Variants in GPATCH8 observed in about 807,000 individuals in gnomAD.
The protein encoded by GPATCH8 is G-patch domain containing 8.
A neutral mutation model predicts 118.3 loss-of-function variants in GPATCH8; 18 were observed. That is an observed-to-expected ratio of 0.15 (90% CI 0.11 to 0.23). GPATCH8 has a LOEUF of 0.23. Among genes scored for constraint, GPATCH8 ranks in the 10% least tolerant of loss-of-function variants. GPATCH8 has a pLI of 1.00. For missense variants in GPATCH8, 1,631 were observed against 1,873.8 expected (o/e 0.87, Z 2.39); for synonymous variants, 659 against 684.7 (o/e 0.96, Z 0.59).
At chr17:44,421,848 C>A (rs780313535) in intron 6 of GPATCH8, among the ~76,000 whole-genome samples, 1 of 151,510 alleles carries the variant, frequency 6.6e-6, no homozygotes, top group Non-Finnish European at 1.5e-5. Context: ...TGCCTCGAAC[C>A]CCCAAGCAGC....
intron 1 of GPATCH8, among the ~76,000 whole-genome samples, chr17:44,481,485 T>C (rs1339143723): frequency 1.3e-5 from 2 of 152,166 alleles, no homozygotes; most frequent in African/African-American, 2.4e-5. Context: ...AAGGCTTCCA[T>C]ATATAGGACA....
rs150756460 is a variant in GPATCH8, at chr17:44,415,093, T to C, written c.493-9042A>G. ...TACACTTCCCTTGGGTATATACTAGTAATATGGTAACTTTGTATTTAATGT... is the reference window on the plus strand; with the variant it reads ...TACACTTCCCTTGGGTATATACTAGCAATATGGTAACTTTGTATTTAATGT... On this transcript the variant is annotated intron_variant, in intron 6 of 7. Coordinates refer to ENST00000591680, the MANE Select transcript of GPATCH8 (RefSeq NM_001002909.4). 2.4e-4 allele frequency among the ~76,000 whole-genome samples: 36 copies of C among 152,332 alleles called. No individual in the cohort carries two copies. The East Asian group carries it at 6.9e-3, about 29-fold the overall frequency.
At chr17:44,452,306 A>T (rs1210503561) in intron 3 of GPATCH8, among the ~76,000 whole-genome samples, 1 of 150,672 alleles carries the variant, frequency 6.6e-6, no homozygotes. Flanking sequence ...AAAAAAAAGG[A>T]AAAAAGATCT....
intron 6 of GPATCH8, among the ~76,000 whole-genome samples, chr17:44,413,805 AG>A (rs531292108): frequency 3.9e-4 from 59 of 152,120 alleles, no homozygotes; most frequent in African/African-American, 1.3e-3. Context: ...TTTTTAGTAG[AG>A]ATGGGGTTTT....
intron 5 of GPATCH8, among the ~76,000 whole-genome samples, chr17:44,433,189 G>A (rs1030588933): frequency 2.0e-5 from 3 of 152,108 alleles, no homozygotes; most frequent in African/African-American, 7.2e-5. Flanking sequence ...TTATGAGGCT[G>A]TGAATTACTG....
intron 3 of GPATCH8, among the ~76,000 whole-genome samples, chr17:44,449,093 T>C (rs1041063109): frequency 6.6e-6 from 1 of 151,952 alleles, no homozygotes; most frequent in East Asian, 1.9e-4. Flanking sequence ...CTGGCCAACA[T>C]GGTGAAACCC....
chr17:44,428,226 C>T (rs2050159661), intron 5 of GPATCH8, among the ~76,000 whole-genome samples: 1 of 152,090 alleles, frequency 6.6e-6, no homozygotes, highest in African/African-American at 2.4e-5. Context: ...GGTGCGGTGG[C>T]TCATTCCTGT....
At chr17:44,460,976 A>G (rs1220959497) in intron 3 of GPATCH8, among the ~76,000 whole-genome samples, 1 of 152,238 alleles carries the variant, frequency 6.6e-6, no homozygotes, top group African/African-American at 2.4e-5. Context: ...GGAAGTAAAC[A>G]GTCAGTTATG....
At chr17:44,479,740 G>A (rs1249089600) in intron 1 of GPATCH8, among the ~76,000 whole-genome samples, 4 of 151,916 alleles carry the variant, frequency 2.6e-5, no homozygotes, top group Admixed American at 1.3e-4. Context: ...AGGTCGAGGC[G>A]GGTAGATCAC....
chr17:44,458,742 T>C (rs774707591), intron 3 of GPATCH8, among the ~76,000 whole-genome samples: 4 of 152,178 alleles, frequency 2.6e-5, no homozygotes, highest in Non-Finnish European at 4.4e-5. Flanking sequence ...CAAGCTGGTC[T>C]TGAACCCTTG....
chr17:44,405,279 G>C (rs1321842886), intron 7 of GPATCH8, among the ~76,000 whole-genome samples: 2 of 151,324 alleles, frequency 1.3e-5, no homozygotes, highest in Non-Finnish European at 2.9e-5. Context: ...CGCAATCTTG[G>C]CTCACCACAA....
Position 44,399,124 on chromosome 17 carries a change from T to A in GPATCH8, c.2953A>T (p.Ser985Cys), listed in dbSNP as rs1196838304. 1.2e-6 allele frequency: 2 copies of A among 1,611,174 alleles called. No individual in the cohort carries two copies. Among genetic ancestry groups the A allele is most frequent in the South Asian group, 2.2e-5 (2 of 90,998 alleles). Reference protein sequence around the residue: ...RSTTAHSWQRSRSYSRDRSRS... With the variant: ...RSTTAHSWQRCRSYSRDRSRS... ...CTGCGGTCCCGGCTATAGCTCCGGC[T>A]CCGTTGCCAGCTGTGGGCTGTGGTG... The change falls in exon 8 of 8, where the codon AGC becomes TGC. Residue 985 changes from serine (S) to cysteine (C), a missense_variant. Physicochemically the swap from Ser to Cys is moderately radical, Grantham distance 112. Transcript: ENST00000591680.
rs1180253601 is a variant in GPATCH8 at position 44,396,054 on chromosome 17, G to A, written c.*1514C>T. ...ATGGAAACTATGAAGCAAAATATCT[G>A]TAAATGTGCTCACCTCCCAACAAAA... On this transcript the variant is annotated 3_prime_UTR_variant, in exon 8 of 8. Transcript: ENST00000591680. 10 of 454,414 alleles carry A rather than the reference G, an allele frequency of 2.2e-5. No individual in the cohort carries two copies. The highest frequency in any genetic ancestry group is 1.4e-4 in the South Asian group (9 of 64,472). 28.1% of individuals were successfully genotyped at this position (454,414 alleles called of 1,614,324 possible).
chr17:44,447,618 C>G, intron 3 of GPATCH8, among the ~76,000 whole-genome samples: 1 of 151,418 alleles, frequency 6.6e-6, no homozygotes, highest in Non-Finnish European at 1.5e-5. Flanking sequence ...ATTATCACCA[C>G]CTTTTTTTTT....
At chr17:44,422,671 T>C (rs2049952699) in intron 6 of GPATCH8, among the ~76,000 whole-genome samples, 1 of 151,658 alleles carries the variant, frequency 6.6e-6, no homozygotes, top group South Asian at 2.1e-4. Context: ...TTTGTATTTT[T>C]AGTAGAGACA....
chr17:44,406,654 C>T (rs1346231949), intron 6 of GPATCH8, among the ~76,000 whole-genome samples: 1 of 152,060 alleles, frequency 6.6e-6, no homozygotes, highest in Non-Finnish European at 1.5e-5. Context: ...TTAGAGCTCA[C>T]CAGTCTGACC....
Position 44,468,856 on chromosome 17 carries a change from T to C in GPATCH8, c.121-4312A>G, listed in dbSNP as rs1139345. Among the ~76,000 whole-genome samples, 847 of 152,274 alleles carry C rather than the reference T, an allele frequency of 5.6e-3. 12 individuals are homozygous for C. The highest frequency in any genetic ancestry group is 0.02 in the African/African-American group (817 of 41,542). ...AAGAACTGCAAAGAAATCCTAACTT[T>C]AATAAATAAGGCAAAGCTTATTTAT... On this transcript the variant is annotated intron_variant, in intron 2 of 7. Coordinates refer to ENST00000591680, the MANE Select transcript of GPATCH8 (RefSeq NM_001002909.4).
chr17:44,398,467 C>G lies in GPATCH8; in HGVS notation c.3610G>C (p.Asp1204His). 1 of 1,611,250 alleles carries G rather than the reference C, an allele frequency of 6.2e-7. No homozygotes were observed. Among genetic ancestry groups the G allele is most frequent in the Non-Finnish European group, 8.5e-7 (1 of 1,178,438 alleles). ...GACTTTGACTCTTCTGGGGGTGGGT[C>G]TAATAAGGGGCCAGTTGTTTCCTCT... ...PSEETTGPLLDPPPEESKSGE... is the reference protein window; with the variant it reads ...PSEETTGPLLHPPPEESKSGE... Residue 1204 changes from aspartate to histidine, a missense_variant, in exon 8 of 8, where the codon GAC becomes CAC. Coordinates refer to ENST00000591680, the MANE Select transcript of GPATCH8 (RefSeq NM_001002909.4).
chr17:44,463,461 A>G (rs1259071479), intron 3 of GPATCH8, among the ~76,000 whole-genome samples: 3 of 152,188 alleles, frequency 2.0e-5, no homozygotes, highest in African/African-American at 7.2e-5. Flanking sequence ...ATCTTGGCTC[A>G]CTGCAACCTC....
Sources: gnomAD v4.1 joint callset for allele counts (sites outside exome capture counted in the v4.1 genomes callset) on GRCh38, gnomAD v4.1.1 for gene constraint, MANE v1.5 for transcripts, NCBI Gene and HGNC (gene_info 2026-07-23, HGNC 2026-07-21) for gene names.